Variants in OPA1 observed in about 807,000 individuals in gnomAD.
The protein encoded by OPA1 is OPA1 mitochondrial dynamin like GTPase, also known as dynamin-like GTPase OPA1, mitochondrial.
In OPA1, 59 loss-of-function variants were observed where a neutral mutation model predicts 152.9. That is an observed-to-expected ratio of 0.39 (90% confidence interval 0.31 to 0.48). The LOEUF is 0.48. Among genes scored for constraint, OPA1 ranks in the 20% least tolerant of loss-of-function variants. The pLI is 0.96. For missense variants in OPA1, 1,008 were observed against 1,216.8 expected, an observed-to-expected ratio of 0.83 and a Z score of 2.55; for synonymous variants, 400 against 389.9, an observed-to-expected ratio of 1.03 and a Z score of -0.31.
At chr3:193,634,431 T>C (rs1732613289) in intron 8 of OPA1, among the ~76,000 whole-genome samples, 1 of 152,098 alleles carries the variant, frequency 6.6e-6, no homozygotes, top group Non-Finnish European at 1.5e-5. Flanking sequence ...TCCTTTCTGA[T>C]TTGTCTTCCC....
intron 9 of OPA1, among the ~76,000 whole-genome samples, chr3:193,635,978 C>T (rs937806201): frequency 6.6e-6 from 1 of 152,036 alleles, no homozygotes; most frequent in African/African-American, 2.4e-5. Context: ...AAAGAACTTT[C>T]GAAAAAGTGT....
At chr3:193,608,196 A>G (rs1560316946) in intron 1 of OPA1, among the ~76,000 whole-genome samples, 1 of 151,874 alleles carries the variant, frequency 6.6e-6, no homozygotes, top group Admixed American at 6.6e-5. Flanking sequence ...TTGTGTCTCT[A>G]TCTCCTTCAG....
intron 6 of OPA1, among the ~76,000 whole-genome samples, chr3:193,619,287 C>T (rs902693859): frequency 6.6e-6 from 1 of 152,144 alleles, no homozygotes; most frequent in Non-Finnish European, 1.5e-5. Context: ...TATACTCATG[C>T]GCATTGTGAA....
At chr3:193,595,423 T>C (rs890762621) in intron 1 of OPA1, among the ~76,000 whole-genome samples, 1 of 152,246 alleles carries the variant, frequency 6.6e-6, no homozygotes, top group African/African-American at 2.4e-5. Flanking sequence ...AGTAGATTTC[T>C]GGGGGAAACC....
chr3:193,613,590 T>C (rs1340286571), intron 1 of OPA1, among the ~76,000 whole-genome samples: 2 of 152,028 alleles, frequency 1.3e-5, no homozygotes, highest in Non-Finnish European at 2.9e-5. Flanking sequence ...TGTTTGTTTT[T>C]TTTTGGAGGT....
chr3:193,668,200 A>G, intron 29 of OPA1: 3 of 689,408 alleles, frequency 4.4e-6, no homozygotes, highest in Non-Finnish European at 7.3e-6. Flanking sequence ...GATATTTGTC[A>G]CTTGCTTTCC....
At chr3:193,610,235 T>C (rs1727987804) in intron 1 of OPA1, among the ~76,000 whole-genome samples, 1 of 152,208 alleles carries the variant, frequency 6.6e-6, no homozygotes. Context: ...CCTTTCTGTT[T>C]GTTAGTTTTC....
chr3:193,644,825 A>G (rs1734303043), intron 16 of OPA1, among the ~76,000 whole-genome samples: 1 of 152,140 alleles, frequency 6.6e-6, no homozygotes, highest in African/African-American at 2.4e-5. Flanking sequence ...ATGCAACTGA[A>G]GCTTATTTCA....
rs763730911 is a variant in OPA1, at chr3:193,654,925, C to T, written c.2076C>T (p.Tyr692=). ...RVSTHVIENI[Y]LPAAQTMNSG... The stretch of plus-strand genomic sequence containing the variant: ...CAACTCATGTGATTGAAAACATCTA[C>T]CTTCCAGCTGCGCAGACCATGAATT... The change falls in exon 22 of 31, where the codon TAC becomes TAT. Residue 692 remains tyrosine, a synonymous_variant. Coordinates refer to ENST00000361510, the MANE Select transcript of OPA1 (RefSeq NM_130837.3). 1 of 1,613,898 alleles carries T rather than the reference C, an allele frequency of 6.2e-7. No individual in the cohort carries two copies. Among genetic ancestry groups the T allele is most frequent in the Non-Finnish European group, 8.5e-7 (1 of 1,179,890 alleles).
chr3:193,610,967 T>C lies in OPA1; in HGVS notation c.33-3756T>C, dbSNP rs373394868. On this transcript the variant is annotated intron_variant, in intron 1 of 30. Coordinates refer to ENST00000361510, the MANE Select transcript of OPA1 (RefSeq NM_130837.3). ...TCCTTGGCTAGGAAAGGGAATTCCC[T>C]GACCCCTTGTGCTTCCTGGGTGAGG... Among the ~76,000 whole-genome samples, 127 of 152,334 alleles carry C rather than the reference T, an allele frequency of 8.3e-4. 3 individuals carry two copies. The East Asian group carries it at 0.017, about 21-fold the overall frequency.
Position 193,666,198 on chromosome 3 carries a change from T to G in OPA1, c.2779-98T>G, listed in dbSNP as rs1032787466. The stretch of plus-strand genomic sequence containing the variant: ...AGGTAAATCTGAGTACTTTTTAAGC[T>G]TAGGACATATCTACTGGTTCTAGTA... On this transcript the variant is annotated intron_variant, in intron 27 of 30. Coordinates refer to ENST00000361510, the MANE Select transcript of OPA1 (RefSeq NM_130837.3). 2.5e-5 allele frequency: 25 copies of G among 999,190 alleles called. No individual in the cohort carries two copies. In the African/African-American group the frequency reaches 3.8e-4, roughly 15 times the overall value. 61.9% of individuals were successfully genotyped at this position (999,190 alleles called of 1,614,324 possible).
At position 193,695,001 on chromosome 3, in the gene OPA1, T is replaced by G. The variant is rs1217038894; in HGVS notation, c.*401T>G. The G allele has an allele frequency of 6.6e-6, 1 of 152,270 alleles. No homozygotes were observed. The highest frequency in any genetic ancestry group is 2.4e-5 in the African/African-American group (1 of 41,478). 9.4% of individuals were successfully genotyped at this position (152,270 alleles called of 1,614,324 possible). A position where few individuals can be genotyped will look rare whatever the true frequency, so the allele number is the denominator to read the frequency against. ...ATGCTAGGTGTTTTGAAATAAAACTTATATAGCAATTGTTTAAAGTTATCA... is the reference window on the plus strand; with the variant it reads ...ATGCTAGGTGTTTTGAAATAAAACTGATATAGCAATTGTTTAAAGTTATCA... On this transcript the variant is annotated 3_prime_UTR_variant, in exon 31 of 31. Coordinates refer to ENST00000361510, the MANE Select transcript of OPA1 (RefSeq NM_130837.3).
intron 8 of OPA1, among the ~76,000 whole-genome samples, chr3:193,634,205 AAAT>A (rs1732559611): frequency 6.6e-6 from 1 of 152,044 alleles, no homozygotes; most frequent in African/African-American, 2.4e-5. Context: ...TTTAGAGAAG[AAAT>A]AAAAGCTGGG....
At chr3:193,668,683 A>T in intron 29 of OPA1, 1 of 1,405,540 alleles carries the variant, frequency 7.1e-7, no homozygotes. Context: ...CCCCATGTGA[A>T]CCCATTGTAA....
At chr3:193,665,386 AGTGT>A (rs1716294441) in intron 27 of OPA1, among the ~76,000 whole-genome samples, 1 of 151,946 alleles carries the variant, frequency 6.6e-6, no homozygotes, top group African/African-American at 2.4e-5. Flanking sequence ...GGAAAGAGAA[AGTGT>A]GTGTGTATCT....
intron 2 of OPA1, 152 bp from the exon 3 acceptor site, chr3:193,615,522 T>G (rs1448846548): frequency 1.5e-6 from 1 of 648,512 alleles, no homozygotes; most frequent in Non-Finnish European, 2.7e-6. Flanking sequence ...TTTTATATGC[T>G]TGTTTGCTGA....
intron 29 of OPA1, among the ~76,000 whole-genome samples, chr3:193,682,222 A>C (rs1720261213): frequency 6.6e-6 from 1 of 152,218 alleles, no homozygotes; most frequent in African/African-American, 2.4e-5. Context: ...CTAAAACCTA[A>C]TCCAGAGCAA....
In OPA1 at chr3:193,659,037, G is replaced by A. The variant is rs757016633; in HGVS notation, c.2440+42G>A. 47 of 1,312,216 alleles carry A rather than the reference G, an allele frequency of 3.6e-5. No individual in the cohort carries two copies. In the East Asian group the frequency reaches 9.0e-4, roughly 25 times the overall value. 81.3% of individuals were successfully genotyped at this position (1,312,216 alleles called of 1,614,324 possible). A position where few individuals can be genotyped will look rare whatever the true frequency, so the allele number is the denominator to read the frequency against. The stretch of plus-strand genomic sequence containing the variant: ...CTTATTGAGTTCTGAGTTCACAGTG[G>A]TGAAGGAGTCATCCAACTTTAGTGA... On this transcript the variant is annotated intron_variant, in intron 24 of 30. Coordinates refer to ENST00000361510, the MANE Select transcript of OPA1 (RefSeq NM_130837.3).
chr3:193,620,417 C>G (rs1456202836), intron 6 of OPA1, among the ~76,000 whole-genome samples: 1 of 151,918 alleles, frequency 6.6e-6, no homozygotes, highest in Non-Finnish European at 1.5e-5. Flanking sequence ...AGAAAAGAAG[C>G]CAGATAATTA....
Sources: gnomAD v4.1 joint callset for allele counts (sites outside exome capture counted in the v4.1 genomes callset) on GRCh38, gnomAD v4.1.1 for gene constraint, MANE v1.5 for transcripts, NCBI Gene and HGNC (gene_info 2026-07-23, HGNC 2026-07-21) for gene names.